Variants in TSHZ2 observed in about 807,000 individuals in gnomAD.
TSHZ2 encodes the protein teashirt zinc finger homeobox 2.
TSHZ2 carries 21 observed loss-of-function variants against 74.4 expected under a neutral mutation model. That is an observed-to-expected ratio of 0.28 (90% confidence interval 0.20 to 0.41). The LOEUF (loss-of-function observed/expected upper bound fraction) is 0.41. Among genes scored for constraint, TSHZ2 ranks in the 10% least tolerant of loss-of-function variants. The pLI, the probability that TSHZ2 is intolerant of heterozygous loss-of-function variation, is 1.00. For missense variants in TSHZ2, 1,244 were observed against 1,293.5 expected (o/e 0.96, Z 0.59); for synonymous variants, 540 against 515.3 (o/e 1.05, Z -0.65).
intron 2 of TSHZ2, among the ~76,000 whole-genome samples, chr20:53,477,890 A>C (rs1986031825): frequency 6.6e-6 from 1 of 151,432 alleles, no homozygotes; most frequent in Non-Finnish European, 1.5e-5. Flanking sequence ...ACATTTATGC[A>C]GCCAACAGAC....
chr20:53,274,815 A>G (rs979264476), intron 2 of TSHZ2, among the ~76,000 whole-genome samples: 3 of 151,832 alleles, frequency 2.0e-5, no homozygotes, highest in African/African-American at 4.8e-5. Flanking sequence ...CTCTATCTCT[A>G]TCACTGTCTT....
At chr20:53,147,808 C>T (rs920884036) in intron 1 of TSHZ2, among the ~76,000 whole-genome samples, 9 of 152,188 alleles carry the variant, frequency 5.9e-5, no homozygotes, top group Admixed American at 6.5e-5. Context: ...CCTCCACCTC[C>T]TGGGTTCAAG....
chr20:53,452,742 T>C (rs1457960923), intron 2 of TSHZ2, among the ~76,000 whole-genome samples: 2 of 152,188 alleles, frequency 1.3e-5, no homozygotes, highest in Admixed American at 6.5e-5. Context: ...AACAATATTA[T>C]GTGTGTGAAG....
At chr20:53,132,026 G>A (rs917882931) in intron 1 of TSHZ2, among the ~76,000 whole-genome samples, 5 of 152,196 alleles carry the variant, frequency 3.3e-5, no homozygotes, top group African/African-American at 1.2e-4. Flanking sequence ...GCAGGCGGTA[G>A]CCAGGAGCAC....
intron 2 of TSHZ2, among the ~76,000 whole-genome samples, chr20:53,417,632 G>A (rs935047796): frequency 6.6e-6 from 1 of 152,072 alleles, no homozygotes; most frequent in Non-Finnish European, 1.5e-5. Context: ...AACGTGATAG[G>A]AATTTGCACA....
Position 52,992,256 on chromosome 20 carries a change from T to TATGA in TSHZ2, c.40+18937_40+18940dup, listed in dbSNP as rs1184039650. ...AGTCAGTGGGTTGAATGCATGAATG[T>TATGA]ATGAATGAATGAATGAACAAGGGGT... On this transcript the variant is annotated intron_variant, in intron 1 of 2. Transcript: ENST00000371497. Among the ~76,000 whole-genome samples, 5 of 152,312 alleles carry TATGA rather than the reference T, an allele frequency of 3.3e-5. No individual in the cohort carries two copies. The East Asian group carries it at 7.7e-4, about 24-fold the overall frequency.
chr20:53,162,402 C>G (rs1254354994), intron 1 of TSHZ2, among the ~76,000 whole-genome samples: 2 of 152,206 alleles, frequency 1.3e-5, no homozygotes, highest in Non-Finnish European at 2.9e-5. Context: ...CACAAGCTTA[C>G]TCCTTTCTAT....
At chr20:53,336,331 C>T (rs142199290) in intron 2 of TSHZ2, among the ~76,000 whole-genome samples, 205 of 152,276 alleles carry the variant, frequency 1.3e-3, no homozygotes, top group African/African-American at 4.6e-3. Context: ...ACATGCAAAT[C>T]GGACACTCCA....
At chr20:53,352,851 T>G (rs1251985555) in intron 2 of TSHZ2, among the ~76,000 whole-genome samples, 1 of 151,928 alleles carries the variant, frequency 6.6e-6, no homozygotes, top group East Asian at 1.9e-4. Flanking sequence ...GAAAAATTAT[T>G]TGGAGGTGCA....
At position 53,441,439 on chromosome 20, in the gene TSHZ2, TTTTTG is replaced by T. The variant is rs1007101721; in HGVS notation, c.*9-45690_*9-45686del. Among the ~76,000 whole-genome samples, 14 of 151,608 alleles carry T rather than the reference TTTTTG, an allele frequency of 9.2e-5. No individual in the cohort carries two copies. In the East Asian group the frequency reaches 1.7e-3, roughly 19 times the overall value. On this transcript the variant is annotated intron_variant, in intron 2 of 2. Coordinates refer to ENST00000371497, the MANE Select transcript of TSHZ2 (RefSeq NM_173485.6). ...CGCCACCAAAACCGGCTAGGTTTTCTTTTTGTTTTGTTTTGTTTTTTGTATTTTTA... is the reference window on the plus strand; with the variant it reads ...CGCCACCAAAACCGGCTAGGTTTTCTTTTTGTTTTGTTTTTTGTATTTTTA...
chr20:53,067,413 G>T (rs1985026457), intron 1 of TSHZ2, among the ~76,000 whole-genome samples: 1 of 152,226 alleles, frequency 6.6e-6, no homozygotes. Flanking sequence ...TCCAGTTGGG[G>T]TCTGCAGAAT....
chr20:53,103,792 T>C (rs1423860312), intron 1 of TSHZ2, among the ~76,000 whole-genome samples: 1 of 152,232 alleles, frequency 6.6e-6, no homozygotes, highest in African/African-American at 2.4e-5. Flanking sequence ...TGCTCCATGA[T>C]GAATCTGGCT....
chr20:53,330,018 T>C (rs1319511305), intron 2 of TSHZ2, among the ~76,000 whole-genome samples: 1 of 152,226 alleles, frequency 6.6e-6, no homozygotes, highest in Non-Finnish European at 1.5e-5. Context: ...TTTGTTTACA[T>C]GTTATCTATG....
At chr20:53,294,497 CAGAG>C (rs1468978123) in intron 2 of TSHZ2, among the ~76,000 whole-genome samples, 1 of 151,898 alleles carries the variant, frequency 6.6e-6, no homozygotes, top group Non-Finnish European at 1.5e-5. Context: ...GAGAGAGAGA[CAGAG>C]AGTATTTTAT....
chr20:53,083,679 T>A (rs1985603869), intron 1 of TSHZ2, among the ~76,000 whole-genome samples: 1 of 152,240 alleles, frequency 6.6e-6, no homozygotes, highest in Non-Finnish European at 1.5e-5. Context: ...AATTGAAGTA[T>A]CAGTTTCCTC....
rs750849648 is a variant in TSHZ2, at chr20:53,255,546, C to T, written c.2088C>T (p.Ser696=). 24 of 1,584,736 alleles carry T rather than the reference C, an allele frequency of 1.5e-5. No individual in the cohort carries two copies. The highest frequency in any genetic ancestry group is 7.1e-5 in the Admixed American group (4 of 56,496). The change falls in exon 2 of 3, where the codon AGC becomes AGT. Residue 696 remains serine (S), a synonymous_variant. Transcript: ENST00000371497. The surrounding 1 kb of genome is among the most constrained non-coding windows in gnomAD (Gnocchi z 4.1). ...CCCTGCCATGCATCAACCCACTCAG[C>T]GCCCTGCAGTCCGTCCTGAACAATC... ...APALPCINPL[S]ALQSVLNNHL...
intron 1 of TSHZ2, among the ~76,000 whole-genome samples, chr20:53,131,991 A>G (rs1160139439): frequency 6.6e-6 from 1 of 152,128 alleles, no homozygotes; most frequent in Non-Finnish European, 1.5e-5. Context: ...GGAAAGAGAC[A>G]GGAAGAGAGA....
chr20:53,076,438 G>C (rs1373247091), intron 1 of TSHZ2, among the ~76,000 whole-genome samples: 1 of 152,202 alleles, frequency 6.6e-6, no homozygotes, highest in Non-Finnish European at 1.5e-5. Context: ...AAGTAGATGA[G>C]CAAGTCCTTG....
At chr20:53,294,597 A>AT (rs60788020) in intron 2 of TSHZ2, among the ~76,000 whole-genome samples, 6,177 of 152,108 alleles carry the variant, frequency 0.041, 431 homozygotes, top group African/African-American at 0.14. Context: ...TTCTGTCATC[A>AT]TTTTTTCCTG....
Sources: allele counts gnomAD v4.1 joint callset (sites outside exome capture counted in the v4.1 genomes callset), GRCh38; gene constraint gnomAD v4.1.1; non-coding constraint Gnocchi (gnomAD v3.1); transcripts MANE v1.5; gene names NCBI Gene and HGNC (gene_info 2026-07-23, HGNC 2026-07-21).